KAZN: variants seen among roughly 807,000 people sequenced by gnomAD.
The protein encoded by KAZN is kazrin, periplakin interacting protein, also known as kazrin.
A neutral mutation model predicts 87.4 loss-of-function variants in KAZN; 40 were observed. That is an observed-to-expected ratio of 0.46 (90% CI 0.36 to 0.60). KAZN has a LOEUF of 0.60. Ranked by LOEUF, KAZN falls within the 20% of genes least tolerant of loss-of-function variation. The probability of loss-of-function intolerance (pLI) is 0.00; values close to 1 mark genes in which losing one functional copy is unlikely to be tolerated. For synonymous variants in KAZN, 466 were observed against 458.3 expected (o/e 1.02, Z -0.22); for missense variants, 898 against 1,073.9 (o/e 0.84, Z 2.29).
At chr1:15,082,470 G>A (rs1369773428) in intron 8 of KAZN, among the ~76,000 whole-genome samples, 3 of 152,170 alleles carry the variant, frequency 2.0e-5, no homozygotes, top group Non-Finnish European at 4.4e-5. Context: ...GCTGGGTATA[G>A]ACTCAAAATT....
At chr1:14,251,150 G>C (rs899315890) in intron 2 of KAZN, among the ~76,000 whole-genome samples, 1 of 152,150 alleles carries the variant, frequency 6.6e-6, no homozygotes, top group Non-Finnish European at 1.5e-5. Context: ...TCATTCCAGG[G>C]TTCTCAGAAT....
At chr1:14,071,843 C>A (rs1338080930) in intron 1 of KAZN, among the ~76,000 whole-genome samples, 1 of 152,214 alleles carries the variant, frequency 6.6e-6, no homozygotes, top group Non-Finnish European at 1.5e-5. Context: ...TCTGCCTGAG[C>A]AGGTGGGAAT....
rs1641786013 is a variant in KAZN, at chr1:15,114,823, A to G, written c.*188A>G. 7.1e-6 allele frequency: 4 copies of G among 565,280 alleles called. No individual in the cohort carries two copies. In the Admixed American group the frequency reaches 1.2e-4, roughly 18 times the overall value. 35.0% of individuals were successfully genotyped at this position (565,280 alleles called of 1,614,324 possible). On this transcript the variant is annotated 3_prime_UTR_variant, in exon 15 of 15. Transcript: ENST00000376030. ...CCCAGGAGAGAGAAGACACCAGCCC[A>G]CCTGTCTTGGGTGGGCCATGGACTT...
chr1:14,443,611 T>G (rs1666817715), intron 2 of KAZN, among the ~76,000 whole-genome samples: 1 of 152,226 alleles, frequency 6.6e-6, no homozygotes, highest in Admixed American at 6.5e-5. Flanking sequence ...TTAACTGGGA[T>G]GGGAAGATAA....
chr1:14,419,917 G>A (rs1022572056), intron 2 of KAZN, among the ~76,000 whole-genome samples: 2 of 152,120 alleles, frequency 1.3e-5, no homozygotes, highest in African/African-American at 4.8e-5. Context: ...GGGATTTATT[G>A]CAAAGAGCGA....
chr1:14,834,998 T>C (rs1367130101), intron 1 of KAZN, among the ~76,000 whole-genome samples: 2 of 152,218 alleles, frequency 1.3e-5, no homozygotes, highest in East Asian at 3.9e-4. Flanking sequence ...CCCTAATGGT[T>C]TTATGTGTTT....
At position 14,001,791 on chromosome 1, in the gene KAZN, T is replaced by C. The variant is rs1639804129; in HGVS notation, c.91+108035T>C. On this transcript the variant is annotated intron_variant, in intron 1 of 16. Transcript: ENST00000636203. ...AATAAATGGTGCTCAGAAAACTGGC[T>C]AGCCATATGCAGAAAACTGAAACTG... Among the ~76,000 whole-genome samples the C allele has an allele frequency of 2.0e-5, 3 of 152,324 alleles. No individual in the cohort carries two copies. In the South Asian group the frequency reaches 6.2e-4, roughly 32 times the overall value.
chr1:14,164,534 CTTT>C (rs1168650321), intron 1 of KAZN, among the ~76,000 whole-genome samples: 11 of 93,758 alleles, frequency 1.2e-4, no homozygotes, highest in African/African-American at 3.9e-4. Context: ...TGAGTTTCCT[CTTT>C]TTTTTTTTTT....
chr1:14,550,868 C>A (rs1156340290), intron 2 of KAZN, among the ~76,000 whole-genome samples: 1 of 150,392 alleles, frequency 6.6e-6, no homozygotes, highest in Non-Finnish European at 1.5e-5. Context: ...CTTCCCATAC[C>A]CAATTCCCTT....
At chr1:14,707,168 G>T (rs1392947989) in intron 1 of KAZN, among the ~76,000 whole-genome samples, 1 of 152,196 alleles carries the variant, frequency 6.6e-6, no homozygotes, top group African/African-American at 2.4e-5. Flanking sequence ...ACAACTGAGG[G>T]TGCAAACTAT....
chr1:14,475,706 C>T (rs760532355), intron 2 of KAZN, among the ~76,000 whole-genome samples: 3 of 152,078 alleles, frequency 2.0e-5, no homozygotes, highest in Non-Finnish European at 4.4e-5. Flanking sequence ...ATAGGGAGGG[C>T]TCTTGTGAGT....
intron 2 of KAZN, among the ~76,000 whole-genome samples, chr1:15,026,165 C>T (rs1271582704): frequency 2.0e-5 from 3 of 152,104 alleles, no homozygotes; most frequent in Non-Finnish European, 2.9e-5. Context: ...CTGCCTATTG[C>T]TCAAGTCAGC....
At chr1:14,149,589 G>A (rs143362228) in intron 1 of KAZN, among the ~76,000 whole-genome samples, 175 of 152,148 alleles carry the variant, frequency 1.2e-3, no homozygotes, top group African/African-American at 3.8e-3. Context: ...TTCCCTGGGC[G>A]TTTTCATCGG....
chr1:15,002,076 T>G (rs1000496573), intron 2 of KAZN, among the ~76,000 whole-genome samples: 1 of 151,562 alleles, frequency 6.6e-6, no homozygotes, highest in African/African-American at 2.4e-5. Flanking sequence ...GAGACGGGGT[T>G]TCACCGTGTT....
chr1:13,940,107 A>G (rs1166225145), intron 1 of KAZN, among the ~76,000 whole-genome samples: 1 of 152,146 alleles, frequency 6.6e-6, no homozygotes, highest in African/African-American at 2.4e-5. Context: ...TTTTTGTTGC[A>G]TCCTTACATG....
chr1:14,864,835 C>A (rs1438626840), intron 1 of KAZN, among the ~76,000 whole-genome samples: 2 of 152,122 alleles, frequency 1.3e-5, no homozygotes, highest in Non-Finnish European at 2.9e-5. Context: ...AGACCTTGGT[C>A]TTCTCATGTA....
chr1:14,224,117 G>A (rs1647177518), intron 2 of KAZN, among the ~76,000 whole-genome samples: 1 of 152,124 alleles, frequency 6.6e-6, no homozygotes, highest in Non-Finnish European at 1.5e-5. Context: ...GTGAACAACT[G>A]CCAAAAAGGA....
intron 1 of KAZN, among the ~76,000 whole-genome samples, chr1:14,942,474 G>T (rs1011959088): frequency 6.6e-6 from 1 of 152,210 alleles, no homozygotes; most frequent in Non-Finnish European, 1.5e-5. Context: ...ACGTTAACAC[G>T]CAGTGTTTCT....
intron 2 of KAZN, among the ~76,000 whole-genome samples, chr1:14,222,544 A>G (rs1647129012): frequency 1.3e-5 from 2 of 152,230 alleles, no homozygotes; most frequent in Admixed American, 1.3e-4. Flanking sequence ...TGGGGCCATT[A>G]GATCTGAATT....
Sources: allele counts gnomAD v4.1 joint callset (sites outside exome capture counted in the v4.1 genomes callset), GRCh38; gene constraint gnomAD v4.1.1; transcripts MANE v1.5; gene names NCBI Gene and HGNC (gene_info 2026-07-23, HGNC 2026-07-21).